Variants in KHDRBS2 observed in about 807,000 individuals in gnomAD.
The protein encoded by KHDRBS2 is KH RNA binding domain containing, signal transduction associated 2, also known as KH domain-containing, RNA-binding, signal transduction-associated protein 2.
A neutral mutation model predicts 44.3 loss-of-function variants in KHDRBS2; 26 were observed. The ratio of observed to expected loss-of-function variants is 0.59; its 90% CI spans 0.43 to 0.81. The LOEUF (loss-of-function observed/expected upper bound fraction) is 0.81. Ranked by LOEUF, KHDRBS2 falls within the 40% of genes least tolerant of loss-of-function variation. The pLI, the probability that KHDRBS2 is intolerant of heterozygous loss-of-function variation, is 0.00. For synonymous variants in KHDRBS2, 194 were observed against 151.1 expected (o/e 1.28, Z -2.08); for missense variants, 476 against 433.1 (o/e 1.10, Z -0.88).
intron 2 of KHDRBS2, among the ~76,000 whole-genome samples, chr6:62,115,790 T>G (rs915673448): frequency 6.6e-6 from 1 of 152,146 alleles, no homozygotes; most frequent in African/African-American, 2.4e-5. Flanking sequence ...ACAAATTTAC[T>G]TTTTTAACGT....
intron 4 of KHDRBS2, among the ~76,000 whole-genome samples, 177 bp downstream of exon 4, chr6:61,977,889 A>ATAT (rs1773022602): frequency 2.6e-5 from 4 of 152,180 alleles, no homozygotes; most frequent in Non-Finnish European, 4.4e-5. Context: ...GCAACACGCC[A>ATAT]GGTCCTGTGT....
At chr6:62,218,308 A>T (rs929869041) in intron 1 of KHDRBS2, among the ~76,000 whole-genome samples, 2 of 151,932 alleles carry the variant, frequency 1.3e-5, no homozygotes, top group African/African-American at 4.8e-5. Flanking sequence ...TATCTAAAAG[A>T]GCAAAAGAAT....
intron 3 of KHDRBS2, among the ~76,000 whole-genome samples, chr6:62,041,262 T>C (rs1584315683): frequency 2.0e-5 from 3 of 151,614 alleles, no homozygotes; most frequent in Non-Finnish European, 4.4e-5. Context: ...ACCCAGGAGG[T>C]GGAGGTTGTA....
At chr6:61,575,972 G>T in the KHDRBS2 span, among the ~76,000 whole-genome samples, 4 of 152,106 alleles carry the variant, frequency 2.6e-5, no homozygotes, top group Admixed American at 2.6e-4. Flanking sequence ...GGAGAGGGGT[G>T]AGGGATAAAA....
At chr6:61,643,201 T>C in the KHDRBS2 span, among the ~76,000 whole-genome samples, 1,034 of 152,282 alleles carry the variant, frequency 6.8e-3, 5 homozygotes, top group Middle Eastern at 0.017. Flanking sequence ...TTCAAAAAGA[T>C]TTGATATGAA....
At chr6:61,748,814 T>C (rs1200439535) in intron 6 of KHDRBS2, among the ~76,000 whole-genome samples, 1 of 152,092 alleles carries the variant, frequency 6.6e-6, no homozygotes, top group Non-Finnish European at 1.5e-5. Context: ...TATGCTAGTA[T>C]AGTGCTGTCC....
chr6:62,131,341 A>G (rs550645863), intron 2 of KHDRBS2, among the ~76,000 whole-genome samples: 1 of 152,298 alleles, frequency 6.6e-6, no homozygotes, highest in South Asian at 2.1e-4. Flanking sequence ...ATTAGCAAGG[A>G]TCTCAACAAA....
rs550250745 is a variant in KHDRBS2 at position 62,092,170 on chromosome 6, G to T, written c.220-44176C>A. ...TTCCACCAGCTCTCTACCATTTCCA[G>T]CAACCTGAGACTCTTGTTCATTCCC... On this transcript the variant is annotated intron_variant, in intron 2 of 8. Transcript: ENST00000281156. 4.0e-5 allele frequency among the ~76,000 whole-genome samples: 6 copies of T among 151,272 alleles called. No individual in the cohort carries two copies. In the South Asian group the frequency reaches 6.3e-4, roughly 16 times the overall value.
intron 6 of KHDRBS2, among the ~76,000 whole-genome samples, chr6:61,852,175 T>A (rs1350477475): frequency 1.3e-5 from 2 of 151,780 alleles, no homozygotes; most frequent in African/African-American, 2.4e-5. Context: ...TGAGCTGAGA[T>A]CATGCCACTG....
chr6:62,102,360 G>A (rs1802095503), intron 2 of KHDRBS2, among the ~76,000 whole-genome samples: 1 of 152,156 alleles, frequency 6.6e-6, no homozygotes, highest in South Asian at 2.1e-4. Flanking sequence ...TGGACCAGGA[G>A]TACTGCAAGT....
intron 6 of KHDRBS2, among the ~76,000 whole-genome samples, chr6:61,808,312 C>T (rs1287699350): frequency 6.6e-6 from 1 of 152,018 alleles, no homozygotes; most frequent in Admixed American, 6.6e-5. Context: ...GAAATTGATA[C>T]TAATCCATTA....
intron 1 of KHDRBS2, among the ~76,000 whole-genome samples, chr6:62,209,453 G>T (rs922051046): frequency 6.6e-6 from 1 of 152,190 alleles, no homozygotes; most frequent in Non-Finnish European, 1.5e-5. Flanking sequence ...GTATATAGAT[G>T]TGTTTGCGTG....
the KHDRBS2 span, among the ~76,000 whole-genome samples, chr6:61,585,854 G>T: frequency 1.3e-5 from 2 of 152,028 alleles, no homozygotes; most frequent in African/African-American, 4.8e-5. Flanking sequence ...GGTTCACTGG[G>T]TATCTAACTG....
At chr6:61,648,803 G>T in the KHDRBS2 span, among the ~76,000 whole-genome samples, 4 of 152,028 alleles carry the variant, frequency 2.6e-5, no homozygotes, top group African/African-American at 9.7e-5. Context: ...CCTTTTTACT[G>T]GATCTCAAAT....
chr6:62,042,178 T>C (rs757420166), intron 3 of KHDRBS2, among the ~76,000 whole-genome samples: 8 of 152,130 alleles, frequency 5.3e-5, no homozygotes, highest in Non-Finnish European at 1.0e-4. Context: ...TTTCAGTCTG[T>C]TACTCCTACT....
At chr6:61,748,094 G>A (rs1240885970) in intron 6 of KHDRBS2, among the ~76,000 whole-genome samples, 5 of 152,038 alleles carry the variant, frequency 3.3e-5, no homozygotes, top group Non-Finnish European at 7.4e-5. Context: ...GGGTTCAAGC[G>A]ATTCTCCTGC....
chr6:61,881,430 A>G (rs1233456589), intron 6 of KHDRBS2, among the ~76,000 whole-genome samples: 3 of 151,926 alleles, frequency 2.0e-5, no homozygotes, highest in African/African-American at 7.3e-5. Flanking sequence ...GAGATTCTAT[A>G]TAAATTCTAG....
At chr6:61,560,935 G>A in the KHDRBS2 span, among the ~76,000 whole-genome samples, 1 of 152,068 alleles carries the variant, frequency 6.6e-6, no homozygotes, top group Admixed American at 6.6e-5. Context: ...TGCAATCTGA[G>A]CTTGTTTGTA....
intron 2 of KHDRBS2, among the ~76,000 whole-genome samples, chr6:62,086,644 T>C (rs186425917): frequency 9.0e-4 from 137 of 152,270 alleles, no homozygotes; most frequent in African/African-American, 3.2e-3. Context: ...TATTAGCATC[T>C]GTTCAGGATA....
Sources: allele counts gnomAD v4.1 joint callset (sites outside exome capture counted in the v4.1 genomes callset), GRCh38; gene constraint gnomAD v4.1.1; transcripts MANE v1.5; gene names NCBI Gene and HGNC (gene_info 2026-07-23, HGNC 2026-07-21).